Variants in MAML2 observed in about 807,000 individuals in gnomAD.
MAML2 encodes mastermind-like protein 2.
MAML2 carries 22 observed loss-of-function variants against 96.1 expected under a neutral mutation model. The ratio of observed to expected loss-of-function variants is 0.23; its 90% confidence interval spans 0.16 to 0.33. The LOEUF is 0.33. Among genes scored for constraint, MAML2 ranks in the 10% least tolerant of loss-of-function variants. The pLI, the probability that MAML2 is intolerant of heterozygous loss-of-function variation, is 1.00. For missense variants in MAML2, 1,367 were observed against 1,392.4 expected, an observed-to-expected ratio of 0.98 and a Z score of 0.29; for synonymous variants, 561 against 521.3, an observed-to-expected ratio of 1.08 and a Z score of -1.04.
chr11:96,230,441 C>T (rs967146175), intron 1 of MAML2, among the ~76,000 whole-genome samples: 2 of 152,072 alleles, frequency 1.3e-5, no homozygotes, highest in Non-Finnish European at 2.9e-5. Context: ...ATACACAGTG[C>T]TTTTTGATGT....
intron 2 of MAML2, among the ~76,000 whole-genome samples, chr11:96,084,287 G>C (rs1057282447): frequency 6.6e-6 from 1 of 152,066 alleles, no homozygotes; most frequent in Non-Finnish European, 1.5e-5. Flanking sequence ...GAAAATGAAG[G>C]CCATTTAAAG....
chr11:96,139,176 G>A (rs1036614918), intron 1 of MAML2, among the ~76,000 whole-genome samples: 1 of 151,964 alleles, frequency 6.6e-6, no homozygotes, highest in Non-Finnish European at 1.5e-5. Flanking sequence ...GATACATTAG[G>A]CCTATCACTC....
intron 1 of MAML2, among the ~76,000 whole-genome samples, chr11:96,209,609 A>C (rs575377): frequency 0.056 from 8,474 of 151,370 alleles, 746 homozygotes; most frequent in African/African-American, 0.19. Flanking sequence ...AACAAACAAA[A>C]AAGCAAAGTA....
chr11:96,191,985 G>A (rs1861660264), intron 1 of MAML2, among the ~76,000 whole-genome samples: 1 of 152,174 alleles, frequency 6.6e-6, no homozygotes, highest in Admixed American at 6.5e-5. Flanking sequence ...TGTTCTGGCA[G>A]GAATTCCCGC....
chr11:96,112,624 C>G (rs1860148658), intron 1 of MAML2, among the ~76,000 whole-genome samples: 1 of 152,240 alleles, frequency 6.6e-6, no homozygotes. Flanking sequence ...CTTCCCTCCC[C>G]TCTGATTCTA....
intron 1 of MAML2, among the ~76,000 whole-genome samples, chr11:96,287,723 C>T (rs183056481): frequency 6.6e-6 from 1 of 152,164 alleles, no homozygotes; most frequent in African/African-American, 2.4e-5. Flanking sequence ...AATACTCAGA[C>T]ACCTTATTAA....
chr11:96,300,636 G>C (rs746213897), intron 1 of MAML2, among the ~76,000 whole-genome samples: 1 of 152,138 alleles, frequency 6.6e-6, no homozygotes, highest in Non-Finnish European at 1.5e-5. Context: ...TATTTACAAT[G>C]GAAAAGAGTT....
intron 2 of MAML2, among the ~76,000 whole-genome samples, chr11:95,995,993 T>C (rs997520868): frequency 6.6e-6 from 1 of 152,120 alleles, no homozygotes; most frequent in Non-Finnish European, 1.5e-5. Flanking sequence ...AAAACCCAGA[T>C]CATGGCATAC....
chr11:96,190,384 T>G (rs1403839915), intron 1 of MAML2, among the ~76,000 whole-genome samples: 3 of 152,210 alleles, frequency 2.0e-5, no homozygotes, highest in African/African-American at 7.2e-5. Context: ...CAAGGTTTAC[T>G]GGCCCACAGA....
At chr11:96,162,809 G>A (rs751898045) in intron 1 of MAML2, among the ~76,000 whole-genome samples, 2 of 152,140 alleles carry the variant, frequency 1.3e-5, no homozygotes, top group Non-Finnish European at 2.9e-5. Flanking sequence ...AAGGGGGTCT[G>A]AGGAGGGCTC....
In MAML2 at chr11:95,979,532, C is replaced by A; in HGVS notation, c.2887G>T (p.Ala963Ser). The part of the protein sequence containing the change: ...SNVMITSNTT[A>S]PNWASQEGTS... ...CCTTCTTGAGAGGCCCAGTTTGGTG[C>A]AGTTGTGTTGGATGTGATCATTACG... Residue 963 changes from alanine to serine, a missense_variant, in exon 5 of 5, where the codon GCA becomes TCA. Transcript: ENST00000524717. The A allele has an allele frequency of 6.2e-7, 1 of 1,613,670 alleles. No homozygotes were observed. The highest frequency in any genetic ancestry group is 8.5e-7 in the Non-Finnish European group (1 of 1,179,810).
chr11:96,210,092 CATTTT>C (rs1296350231), intron 1 of MAML2, among the ~76,000 whole-genome samples: 3 of 151,966 alleles, frequency 2.0e-5, no homozygotes, highest in Non-Finnish European at 4.4e-5. Context: ...TGTGCCTTAC[CATTTT>C]ATTTTATTTT....
At chr11:96,012,191 C>G (rs1212681774) in intron 2 of MAML2, among the ~76,000 whole-genome samples, 1 of 152,198 alleles carries the variant, frequency 6.6e-6, no homozygotes, top group African/African-American at 2.4e-5. Flanking sequence ...CTAGCAGGCA[C>G]TGTGAGAGCA....
intron 1 of MAML2, among the ~76,000 whole-genome samples, chr11:96,221,689 C>CTTTTTTTT (rs71040137): frequency 9.5e-6 from 1 of 105,778 alleles, no homozygotes; most frequent in African/African-American, 3.6e-5. Context: ...TTCAGTCAAG[C>CTTTTTTTT]TTTTTTTTTT....
At chr11:96,247,267 G>T (rs1182783058) in intron 1 of MAML2, among the ~76,000 whole-genome samples, 1 of 152,070 alleles carries the variant, frequency 6.6e-6, no homozygotes, top group Non-Finnish European at 1.5e-5. Context: ...AGGAAAGAGG[G>T]CACAGACAGC....
chr11:96,120,709 C>T (rs2135844241), intron 1 of MAML2, among the ~76,000 whole-genome samples: 1 of 152,256 alleles, frequency 6.6e-6, no homozygotes, highest in South Asian at 2.1e-4. Flanking sequence ...TTTCTTTGTC[C>T]TCATTCCCCT....
At chr11:96,037,173 T>A (rs1858727788) in intron 2 of MAML2, among the ~76,000 whole-genome samples, 1 of 147,236 alleles carries the variant, frequency 6.8e-6, no homozygotes. Context: ...AACTAATGCC[T>A]CAGAAAATAA....
intron 2 of MAML2, among the ~76,000 whole-genome samples, chr11:96,063,938 C>G (rs559108935): frequency 6.6e-6 from 1 of 152,202 alleles, no homozygotes; most frequent in Admixed American, 6.5e-5. Flanking sequence ...TCAGATGCTC[C>G]CTGTGTGATT....
intron 1 of MAML2, among the ~76,000 whole-genome samples, chr11:96,194,936 A>G (rs536531844): frequency 7.3e-4 from 111 of 152,364 alleles, no homozygotes; most frequent in Non-Finnish European, 1.4e-3. Flanking sequence ...CTTAATGACA[A>G]TAGATACCAT....
Sources: gnomAD v4.1 joint callset for allele counts (sites outside exome capture counted in the v4.1 genomes callset) on GRCh38, gnomAD v4.1.1 for gene constraint, MANE v1.5 for transcripts, NCBI Gene and HGNC (gene_info 2026-07-23, HGNC 2026-07-21) for gene names.